Variants in GRM7 observed in about 807,000 individuals in gnomAD.
The protein encoded by GRM7 is metabotropic glutamate receptor 7.
A neutral mutation model predicts 84.5 loss-of-function variants in GRM7; 35 were observed. The observed-to-expected ratio is 0.41, with a 90% CI of 0.32 to 0.55. The LOEUF is 0.55. Among genes scored for constraint, GRM7 ranks in the 20% least tolerant of loss-of-function variants. The pLI, the probability that GRM7 is intolerant of heterozygous loss-of-function variation, is 0.19. For missense variants in GRM7, 1,003 were observed against 1,194.6 expected (o/e 0.84, Z 2.36); for synonymous variants, 487 against 455.1 (o/e 1.07, Z -0.89).
chr3:7,003,428 A>AAT (rs1354360680), intron 1 of GRM7, among the ~76,000 whole-genome samples: 4 of 152,112 alleles, frequency 2.6e-5, no homozygotes, highest in Non-Finnish European at 5.9e-5. Flanking sequence ...AAAAAGTTTT[A>AAT]ATGCTCTATA....
At chr3:7,221,646 C>T (rs1278090159) in intron 2 of GRM7, among the ~76,000 whole-genome samples, 1 of 151,368 alleles carries the variant, frequency 6.6e-6, no homozygotes, top group Non-Finnish European at 1.5e-5. Flanking sequence ...CATTTATTGT[C>T]TCTACTGATA....
chr3:6,955,193 A>G (rs1692980291), intron 1 of GRM7, among the ~76,000 whole-genome samples: 1 of 152,136 alleles, frequency 6.6e-6, no homozygotes, highest in Admixed American at 6.5e-5. Flanking sequence ...ACAAAACAAG[A>G]TTGTAAACAA....
chr3:7,633,238 G>A (rs1423565111), intron 8 of GRM7, among the ~76,000 whole-genome samples: 2 of 152,176 alleles, frequency 1.3e-5, no homozygotes, highest in Admixed American at 1.3e-4. Flanking sequence ...ACACTCTTAA[G>A]GCACTTACCA....
intron 1 of GRM7, among the ~76,000 whole-genome samples, chr3:7,123,934 C>G (rs931569176): frequency 2.6e-5 from 4 of 152,146 alleles, no homozygotes; most frequent in Non-Finnish European, 5.9e-5. Flanking sequence ...CAATATAATT[C>G]TGCCCCTTTC....
intron 1 of GRM7, among the ~76,000 whole-genome samples, chr3:7,076,013 G>A (rs1310028448): frequency 6.0e-5 from 9 of 151,036 alleles, no homozygotes; most frequent in African/African-American, 2.2e-4. Context: ...TTTTTAGAGG[G>A]GAAAAAAAGA....
intron 4 of GRM7, among the ~76,000 whole-genome samples, chr3:7,342,737 C>T (rs1001647066): frequency 2.0e-5 from 3 of 152,110 alleles, no homozygotes; most frequent in South Asian, 4.1e-4. Flanking sequence ...GATGCTGATT[C>T]GACTGGACCA....
At chr3:7,350,666 A>G in intron 4 of GRM7, among the ~76,000 whole-genome samples, 1 of 152,158 alleles carries the variant, frequency 6.6e-6, no homozygotes, top group East Asian at 1.9e-4. Context: ...TTTAGGTCAT[A>G]CCACCAAGGA....
chr3:6,955,225 A>T (rs1278048535), intron 1 of GRM7, among the ~76,000 whole-genome samples: 1 of 152,234 alleles, frequency 6.6e-6, no homozygotes, highest in Non-Finnish European at 1.5e-5. Flanking sequence ...AATACTGCAT[A>T]CAGCATCATT....
chr3:7,057,581 C>T (rs1157260830), intron 1 of GRM7, among the ~76,000 whole-genome samples: 3 of 151,676 alleles, frequency 2.0e-5, no homozygotes, highest in Admixed American at 1.3e-4. Context: ...CAAATCATTG[C>T]GTTTAAAAAA....
At chr3:7,459,515 G>A (rs968712590) in intron 6 of GRM7, among the ~76,000 whole-genome samples, 2 of 152,064 alleles carry the variant, frequency 1.3e-5, no homozygotes, top group Non-Finnish European at 2.9e-5. Flanking sequence ...TGAGGCTGGG[G>A]AAGCCTCACA....
intron 1 of GRM7, among the ~76,000 whole-genome samples, chr3:6,946,942 G>T (rs1698104028): frequency 1.3e-5 from 2 of 152,150 alleles, no homozygotes; most frequent in South Asian, 4.1e-4. Flanking sequence ...TCAGCTTAAG[G>T]AGATTTTGGG....
intron 2 of GRM7, among the ~76,000 whole-genome samples, chr3:7,240,768 G>T (rs1232200097): frequency 6.6e-6 from 1 of 152,134 alleles, no homozygotes; most frequent in Non-Finnish European, 1.5e-5. Context: ...AAGCCCAAAT[G>T]TAGACACATG....
At chr3:6,935,180 G>T (rs1203047439) in intron 1 of GRM7, among the ~76,000 whole-genome samples, 1 of 152,128 alleles carries the variant, frequency 6.6e-6, no homozygotes, top group African/African-American at 2.4e-5. Flanking sequence ...AAGAGAAATT[G>T]TTAGGAACAA....
rs57669228 is a variant in GRM7, at chr3:6,935,677, AATTATTATTATT to A, written c.519+73795_519+73806del. Among the ~76,000 whole-genome samples, 1,369 of 142,440 alleles carry A rather than the reference AATTATTATTATT, an allele frequency of 9.6e-3. 21 individuals are homozygous for A. Among genetic ancestry groups the A allele is most frequent in the East Asian group, 0.054 (264 of 4,850 alleles). The allele number at this position is 142,440 out of a possible 152,430, so 93.4% of individuals were successfully genotyped here. ...CTTTGATTTCTGTTTCTTATTTTTA[AATTATTATTATT>A]ATTATTATTATTATTATTATTATTG... On this transcript the variant is annotated intron_variant, in intron 1 of 9. Coordinates refer to ENST00000357716, the MANE Select transcript of GRM7 (RefSeq NM_000844.4).
chr3:7,588,417 C>G (rs73809434), intron 8 of GRM7, among the ~76,000 whole-genome samples: 3,821 of 152,240 alleles, frequency 0.025, 129 homozygotes, highest in African/African-American at 0.082. Flanking sequence ...CGGCTCTGTT[C>G]GCCTGGCTGG....
chr3:7,229,748 TATATATA>T (rs1559514639), intron 2 of GRM7, among the ~76,000 whole-genome samples: 8 of 37,852 alleles, frequency 2.1e-4, no homozygotes, highest in African/African-American at 4.9e-4. Context: ...TATATATATA[TATATATA>T]TATATTTTTT....
intron 1 of GRM7, among the ~76,000 whole-genome samples, chr3:7,113,647 T>C (rs1367739526): frequency 6.6e-6 from 1 of 152,144 alleles, no homozygotes; most frequent in Non-Finnish European, 1.5e-5. Context: ...ATATTTGCAG[T>C]GTTTTTTATT....
intron 7 of GRM7, among the ~76,000 whole-genome samples, chr3:7,544,950 A>T (rs184220195): frequency 6.6e-6 from 1 of 152,334 alleles, no homozygotes; most frequent in African/African-American, 2.4e-5. Context: ...ACTCCTTGTT[A>T]AAAAATGCAT....
intron 4 of GRM7, among the ~76,000 whole-genome samples, chr3:7,389,388 A>C (rs546358832): frequency 1.5e-4 from 23 of 152,236 alleles, no homozygotes; most frequent in Admixed American, 1.3e-3. Context: ...ATTAGGTTCA[A>C]TTGGTCAAGT....
Sources: gnomAD v4.1 joint callset for allele counts (sites outside exome capture counted in the v4.1 genomes callset) on GRCh38, gnomAD v4.1.1 for gene constraint, MANE v1.5 for transcripts, NCBI Gene and HGNC (gene_info 2026-07-23, HGNC 2026-07-21) for gene names.